The following RABEP1 variants were observed in gnomAD, a reference collection of about 807,000 sequenced individuals.
RABEP1 encodes rabaptin, RAB GTPase binding effector protein 1.
In RABEP1, 51 loss-of-function variants were observed where a neutral mutation model predicts 123.4. The observed-to-expected ratio is 0.41, with a 90% CI of 0.33 to 0.52. The LOEUF (loss-of-function observed/expected upper bound fraction) is 0.52. RABEP1 is among the 20% of genes least tolerant of loss of function. RABEP1 has a pLI of 0.16. For missense variants in RABEP1, 888 were observed against 996.3 expected, an observed-to-expected ratio of 0.89 and a Z score of 1.46; for synonymous variants, 347 against 355.2, an observed-to-expected ratio of 0.98 and a Z score of 0.26.
At chr17:5,362,794 GAAGA>G in intron 9 of RABEP1, 114 bp from the exon 10 acceptor site, 2 of 684,520 alleles carry the variant, frequency 2.9e-6, no homozygotes, top group South Asian at 3.7e-5. Context: ...GTAAGGCCCT[GAAGA>G]AAGTGTTTAC....
chr17:5,293,409 G>GT (rs1169102299), intron 1 of RABEP1, among the ~76,000 whole-genome samples: 2 of 151,838 alleles, frequency 1.3e-5, no homozygotes, highest in Middle Eastern at 3.4e-3. Context: ...TATTTTCCAT[G>GT]TTTTTTCTTA....
chr17:5,283,357 A>G (rs978290044), intron 1 of RABEP1, among the ~76,000 whole-genome samples: 3 of 152,028 alleles, frequency 2.0e-5, no homozygotes, highest in Non-Finnish European at 4.4e-5. Context: ...TCTTGGAAGG[A>G]AAAAAGGGCC....
intron 5 of RABEP1, among the ~76,000 whole-genome samples, chr17:5,345,969 T>C (rs940863533): frequency 1.3e-5 from 2 of 151,966 alleles, no homozygotes; most frequent in African/African-American, 2.4e-5. Context: ...GTATTTTTTT[T>C]GGTTATAACT....
intron 1 of RABEP1, among the ~76,000 whole-genome samples, chr17:5,294,182 G>A (rs530407030): frequency 6.6e-6 from 1 of 152,232 alleles, no homozygotes; most frequent in East Asian, 1.9e-4. Context: ...GGAATCATGA[G>A]GTCAGGAGTT....
intron 2 of RABEP1, among the ~76,000 whole-genome samples, chr17:5,328,120 G>A (rs756662159): frequency 2.0e-5 from 3 of 152,170 alleles, no homozygotes; most frequent in Non-Finnish European, 2.9e-5. Context: ...AACCTGCGAC[G>A]TAAGTAAAGA....
intron 5 of RABEP1, among the ~76,000 whole-genome samples, chr17:5,338,808 A>T (rs1250570364): frequency 1.3e-5 from 2 of 152,124 alleles, no homozygotes; most frequent in Non-Finnish European, 2.9e-5. Flanking sequence ...TTTTAGAGAT[A>T]ATGTAGCTAT....
At chr17:5,364,976 C>G (rs1026773350) in intron 10 of RABEP1, 146 bp from the exon 11 acceptor site, 1 of 565,680 alleles carries the variant, frequency 1.8e-6, no homozygotes, top group Non-Finnish European at 3.1e-6. Context: ...GGTCATTTAT[C>G]TAATTTCTGT....
intron 8 of RABEP1, 163 bp from the exon 9 acceptor site, chr17:5,361,045 C>T (rs1909477238): frequency 1.5e-6 from 1 of 666,520 alleles, no homozygotes; most frequent in Non-Finnish European, 2.5e-6. Context: ...GGTTTTGTGT[C>T]CAGCATGTAG....
rs139562648 is a variant in RABEP1 at position 5,355,930 on chromosome 17, A to G, written c.1095+1440A>G. ...AATGTCTCAAGTTTTGGGTACAGCC[A>G]ATGATTACATAGTGTTTTCATCATG... On this transcript the variant is annotated intron_variant, in intron 8 of 17. Transcript: ENST00000537505. Among the ~76,000 whole-genome samples, 13 of 152,348 alleles carry G rather than the reference A, an allele frequency of 8.5e-5. No homozygotes were observed. The East Asian group carries it at 2.5e-3, about 29-fold the overall frequency.
At chr17:5,355,815 G>GT (rs1268798944) in intron 8 of RABEP1, among the ~76,000 whole-genome samples, 1 of 152,130 alleles carries the variant, frequency 6.6e-6, no homozygotes, top group Non-Finnish European at 1.5e-5. Context: ...TATTGAAGTT[G>GT]TTTTGTTCAT....
At chr17:5,382,792 C>T (rs1356577436) in intron 17 of RABEP1, among the ~76,000 whole-genome samples, 4 of 151,682 alleles carry the variant, frequency 2.6e-5, no homozygotes, top group Admixed American at 6.6e-5. Context: ...TGATGGCAGG[C>T]ACCTGTAATC....
intron 9 of RABEP1, 57 bp from the exon 10 acceptor site, chr17:5,362,855 C>CAA: frequency 8.7e-7 from 1 of 1,145,940 alleles, no homozygotes; most frequent in Non-Finnish European, 1.3e-6. Flanking sequence ...ACGTGTACCT[C>CAA]AAGTGTGTGA....
At chr17:5,322,549 A>G (rs1567521168) in intron 2 of RABEP1, among the ~76,000 whole-genome samples, 1 of 152,092 alleles carries the variant, frequency 6.6e-6, no homozygotes, top group African/African-American at 2.4e-5. Flanking sequence ...TTGTCACTCC[A>G]CTCTTAGTAA....
chr17:5,350,647 G>A lies in RABEP1; in HGVS notation c.963+18G>A, dbSNP rs755305195. 50 of 1,612,636 alleles carry A rather than the reference G, an allele frequency of 3.1e-5. No individual in the cohort carries two copies. Among genetic ancestry groups the A allele is most frequent in the Non-Finnish European group, 4.2e-5 (49 of 1,179,424 alleles). On this transcript the variant is annotated intron_variant, in intron 7 of 17. Transcript: ENST00000537505. ...AAGATCAGGTGAATAGAAGTTTTTA[G>A]GACTGATTTGCTTTGTCAGTAATGT... is the stretch of plus-strand genomic sequence containing the variant.
intron 13 of RABEP1, among the ~76,000 whole-genome samples, chr17:5,373,693 A>AACACACACACAC (rs55736303): frequency 0.017 from 2,305 of 135,274 alleles, 39 homozygotes; most frequent in Non-Finnish European, 0.026. Context: ...ACACCAGCTA[A>AACACACACACAC]ACACACACAC....
intron 13 of RABEP1, among the ~76,000 whole-genome samples, chr17:5,373,693 A>AACAAACAC (rs1555525856): frequency 1.5e-5 from 2 of 135,254 alleles, no homozygotes; most frequent in Non-Finnish European, 3.2e-5. Context: ...ACACCAGCTA[A>AACAAACAC]ACACACACAC....
chr17:5,357,432 C>A (rs1016599826), intron 8 of RABEP1, among the ~76,000 whole-genome samples: 6 of 151,960 alleles, frequency 3.9e-5, no homozygotes, highest in African/African-American at 9.7e-5. Context: ...AGTGCTATGG[C>A]GTGATCTTGG....
chr17:5,283,305 TAAAA>T (rs776104482), intron 1 of RABEP1, among the ~76,000 whole-genome samples: 42 of 142,258 alleles, frequency 3.0e-4, no homozygotes, highest in East Asian at 2.6e-3. Flanking sequence ...CTTGTGGAAC[TAAAA>T]AAAAAAAAGT....
At chr17:5,288,522 A>G (rs940507614) in intron 1 of RABEP1, among the ~76,000 whole-genome samples, 1 of 151,954 alleles carries the variant, frequency 6.6e-6, no homozygotes, top group Non-Finnish European at 1.5e-5. Flanking sequence ...CAGCCTCCCA[A>G]GTAGCTGGGA....
Sources: gnomAD v4.1 joint callset for allele counts (sites outside exome capture counted in the v4.1 genomes callset) on GRCh38, gnomAD v4.1.1 for gene constraint, MANE v1.5 for transcripts, NCBI Gene and HGNC (gene_info 2026-07-23, HGNC 2026-07-21) for gene names.